The following RYR2 variants were observed in gnomAD, a reference collection of about 807,000 sequenced individuals.
RYR2 encodes the protein ryanodine receptor 2.
Under a neutral mutation model 601.1 loss-of-function variants are expected in RYR2, and 227 were observed. That is an observed-to-expected ratio of 0.38 (90% confidence interval 0.34 to 0.42). RYR2 has a LOEUF of 0.42. RYR2 is among the 10% of genes least tolerant of loss of function. The probability of loss-of-function intolerance (pLI) is 1.00; values close to 1 mark genes in which losing one functional copy is unlikely to be tolerated. For synonymous variants in RYR2, 2,223 were observed against 2,175.1 expected, an observed-to-expected ratio of 1.02 and a Z score of -0.61; for missense variants, 4,646 against 6,156.5, an observed-to-expected ratio of 0.75 and a Z score of 8.21.
At chr1:237,347,411 A>G (rs1426514113) in intron 3 of RYR2, among the ~76,000 whole-genome samples, 1 of 152,222 alleles carries the variant, frequency 6.6e-6, no homozygotes, top group Non-Finnish European at 1.5e-5. Context: ...TTCCCTTTCT[A>G]CTTTCGGGAT....
chr1:237,736,328 G>A (rs1022675936), intron 79 of RYR2, among the ~76,000 whole-genome samples: 8 of 152,020 alleles, frequency 5.3e-5, no homozygotes, highest in Non-Finnish European at 1.2e-4. Flanking sequence ...AGGCACGGTG[G>A]TGCACACCTG....
chr1:237,069,042 G>A (rs1020814027), intron 1 of RYR2, among the ~76,000 whole-genome samples: 14 of 152,154 alleles, frequency 9.2e-5, no homozygotes, highest in African/African-American at 3.4e-4. Flanking sequence ...ATGGGTGGAG[G>A]AAAATAGCTC....
intron 71 of RYR2, among the ~76,000 whole-genome samples, chr1:237,714,509 T>C (rs1416468917): frequency 6.6e-6 from 1 of 152,170 alleles, no homozygotes; most frequent in Non-Finnish European, 1.5e-5. Context: ...CTGTTTTTGC[T>C]CAAATCTAAC....
At chr1:237,166,431 G>T (rs1341987551) in intron 1 of RYR2, among the ~76,000 whole-genome samples, 1 of 152,110 alleles carries the variant, frequency 6.6e-6, no homozygotes, top group Admixed American at 6.5e-5. Flanking sequence ...TTTGAGATTT[G>T]CTATTCTTTA....
At chr1:237,740,481 T>G (rs886925675) in intron 79 of RYR2, among the ~76,000 whole-genome samples, 12 of 152,186 alleles carry the variant, frequency 7.9e-5, no homozygotes, top group Admixed American at 1.3e-4. Context: ...TTAAAAATTT[T>G]TTTCAGCTAG....
At chr1:237,813,995 A>G (rs1246827153) in intron 100 of RYR2, among the ~76,000 whole-genome samples, 1 of 152,160 alleles carries the variant, frequency 6.6e-6, no homozygotes, top group Non-Finnish European at 1.5e-5. Context: ...ACCAGACAGG[A>G]GTCTGTGTAG....
chr1:237,791,712 A>C, intron 93 of RYR2, 197 bp downstream of exon 93: 1 of 579,158 alleles, frequency 1.7e-6, no homozygotes, highest in East Asian at 2.8e-5. Flanking sequence ...GAAATGCCTC[A>C]ACTGAAGGGC....
At chr1:237,232,403 G>A (rs1021455489) in intron 1 of RYR2, among the ~76,000 whole-genome samples, 4 of 152,168 alleles carry the variant, frequency 2.6e-5, no homozygotes, top group Non-Finnish European at 5.9e-5. Flanking sequence ...CTGTATGGCT[G>A]AACATGGGGG....
At chr1:237,047,973 A>C (rs1314984760) in intron 1 of RYR2, among the ~76,000 whole-genome samples, 1 of 151,532 alleles carries the variant, frequency 6.6e-6, no homozygotes, top group Non-Finnish European at 1.5e-5. Flanking sequence ...TCCCAAAGCG[A>C]CTCTTTTTTG....
intron 1 of RYR2, among the ~76,000 whole-genome samples, chr1:237,043,992 A>C (rs1246625484): frequency 6.6e-6 from 1 of 152,174 alleles, no homozygotes; most frequent in African/African-American, 2.4e-5. Flanking sequence ...ATAAAAACCC[A>C]GGGTCCACAT....
At chr1:237,484,781 G>C (rs1047811058) in intron 17 of RYR2, among the ~76,000 whole-genome samples, 3 of 152,096 alleles carry the variant, frequency 2.0e-5, no homozygotes, top group African/African-American at 4.8e-5. Flanking sequence ...TCAGTAAAAA[G>C]CAAACAGGAC....
At chr1:237,382,349 C>T (rs1287265790) in intron 8 of RYR2, among the ~76,000 whole-genome samples, 1 of 152,124 alleles carries the variant, frequency 6.6e-6, no homozygotes, top group East Asian at 1.9e-4. Context: ...CTTTCTTACC[C>T]AACTCTAAAT....
chr1:237,398,485 G>T (rs4255374), intron 10 of RYR2, among the ~76,000 whole-genome samples: 43,653 of 152,144 alleles, frequency 0.29, 6,826 homozygotes, highest in East Asian at 0.43. Context: ...CATACAGATT[G>T]TAAATAAGCA....
chr1:237,417,243 C>T (rs1572227971), intron 11 of RYR2, 120 bp downstream of exon 11: 10 of 705,852 alleles, frequency 1.4e-5, no homozygotes, highest in East Asian at 2.7e-5. Flanking sequence ...AAGGAAACAC[C>T]GAGAAAGTGG....
intron 96 of RYR2, among the ~76,000 whole-genome samples, chr1:237,795,869 T>TAC (rs1558434069): frequency 1.4e-5 from 2 of 143,778 alleles, no homozygotes; most frequent in South Asian, 2.1e-4. Context: ...TATATATATA[T>TAC]ATATACACAT....
chr1:237,725,556 T>A (rs1023241855), intron 74 of RYR2, among the ~76,000 whole-genome samples: 10 of 152,126 alleles, frequency 6.6e-5, no homozygotes, highest in African/African-American at 2.4e-4. Flanking sequence ...TTATCTCCAT[T>A]GAATTTTCTA....
chr1:237,602,669 G>A (rs561408020), intron 35 of RYR2, among the ~76,000 whole-genome samples: 30 of 152,272 alleles, frequency 2.0e-4, no homozygotes, highest in Non-Finnish European at 2.9e-4. Context: ...CAGTGTAACC[G>A]TAACAAAGGA....
chr1:237,206,227 T>TCATC (rs1681799410), intron 1 of RYR2, among the ~76,000 whole-genome samples: 1 of 151,940 alleles, frequency 6.6e-6, no homozygotes, highest in South Asian at 2.1e-4. Flanking sequence ...GGGAGGTGAG[T>TCATC]CATCACCTGA....
intron 62 of RYR2, among the ~76,000 whole-genome samples, chr1:237,683,687 A>ATT (rs11390135): frequency 2.0e-5 from 3 of 151,988 alleles, no homozygotes; most frequent in Non-Finnish European, 2.9e-5. Context: ...TTCTATCACA[A>ATT]TTTTTTTAAC....
Sources: gnomAD v4.1 joint callset for allele counts (sites outside exome capture counted in the v4.1 genomes callset) on GRCh38, gnomAD v4.1.1 for gene constraint, MANE v1.5 for transcripts, NCBI Gene and HGNC (gene_info 2026-07-23, HGNC 2026-07-21) for gene names.